The following CHST11 variants were observed in gnomAD, a reference collection of about 807,000 sequenced individuals.
The protein encoded by CHST11 is carbohydrate sulfotransferase 11, also known as C4S-1.
A neutral mutation model predicts 30.4 loss-of-function variants in CHST11; 9 were observed. The ratio of observed to expected loss-of-function variants is 0.30; its 90% CI spans 0.18 to 0.52. CHST11 has a LOEUF of 0.52. Among genes scored for constraint, CHST11 ranks in the 20% least tolerant of loss-of-function variants. The pLI is 0.97. For missense variants in CHST11, 348 were observed against 460.6 expected (o/e 0.76, Z 2.24); for synonymous variants, 152 against 187.8 (o/e 0.81, Z 1.56).
Position 104,610,043 on chromosome 12 carries a change from CTGTGTGTGTGTGTGTGTGTGTGTG to C in CHST11, c.204+8082_204+8105del, listed in dbSNP as rs56983056. Among the ~76,000 whole-genome samples the C allele has an allele frequency of 4.6e-3, 662 of 143,146 alleles. 12 individuals are homozygous for C. The highest frequency in any genetic ancestry group is 0.015 in the African/African-American group (566 of 38,474). The allele number at this position is 143,146 out of a possible 152,430, so 93.9% of individuals were successfully genotyped here. A position where few individuals can be genotyped will look rare whatever the true frequency, so the allele number is the denominator to read the frequency against. The stretch of plus-strand genomic sequence containing the variant: ...CTGATTTATAAAGCCATGAGTGCCT[CTGTGTGTGTGTGTGTGTGTGTGTG>C]TGTGTGTGTGTGTGTGTGTGTGTGT... On this transcript the variant is annotated intron_variant, in intron 2 of 2. Coordinates refer to ENST00000303694, the MANE Select transcript of CHST11 (RefSeq NM_018413.6).
chr12:104,606,252 G>A (rs2039004213), intron 2 of CHST11, among the ~76,000 whole-genome samples: 1 of 151,776 alleles, frequency 6.6e-6, no homozygotes, highest in African/African-American at 2.4e-5. Flanking sequence ...GTTACATGGT[G>A]GCGCCTCATT....
chr12:104,482,050 C>T (rs575897104), intron 1 of CHST11, among the ~76,000 whole-genome samples: 1 of 152,126 alleles, frequency 6.6e-6, no homozygotes, highest in East Asian at 1.9e-4. Flanking sequence ...AGGGTTTCAC[C>T]ATGTTGGCCA....
chr12:104,659,600 T>C (rs2039578707), intron 2 of CHST11, among the ~76,000 whole-genome samples: 2 of 152,234 alleles, frequency 1.3e-5, no homozygotes, highest in Admixed American at 6.5e-5. Flanking sequence ...ATCTCATGAA[T>C]AATTTTTATA....
intron 2 of CHST11, among the ~76,000 whole-genome samples, chr12:104,652,970 G>A (rs1197420015): frequency 6.6e-6 from 1 of 152,192 alleles, no homozygotes; most frequent in East Asian, 1.9e-4. Flanking sequence ...CATCTAGGGA[G>A]GCAGTGAGCT....
chr12:104,459,609 A>G (rs980454503), intron 1 of CHST11, among the ~76,000 whole-genome samples: 2 of 152,268 alleles, frequency 1.3e-5, no homozygotes, highest in Admixed American at 1.3e-4. Flanking sequence ...GAAACTTCCA[A>G]CTTGTAATTG....
chr12:104,636,159 G>A (rs899080493), intron 2 of CHST11, among the ~76,000 whole-genome samples: 1 of 152,172 alleles, frequency 6.6e-6, no homozygotes, highest in Admixed American at 6.5e-5. Context: ...CTGTGGCAGA[G>A]GCCAGATCAG....
chr12:104,507,429 G>T (rs1001713267), intron 1 of CHST11, among the ~76,000 whole-genome samples: 1 of 152,138 alleles, frequency 6.6e-6, no homozygotes, highest in African/African-American at 2.4e-5. Context: ...CTTTGGCACC[G>T]CTGCCTGCTT....
chr12:104,465,065 G>T (rs1454614664), intron 1 of CHST11, among the ~76,000 whole-genome samples: 2 of 152,228 alleles, frequency 1.3e-5, no homozygotes, highest in Non-Finnish European at 2.9e-5. Context: ...TCAAATAGCA[G>T]TGTGCCTTCA....
intron 1 of CHST11, among the ~76,000 whole-genome samples, chr12:104,464,778 G>A (rs1430571090): frequency 6.6e-6 from 1 of 152,178 alleles, no homozygotes; most frequent in Non-Finnish European, 1.5e-5. Context: ...GGTGCAATCG[G>A]TGGCATTTGT....
At chr12:104,544,125 TAAAAAAA>T (rs60776273) in intron 1 of CHST11, among the ~76,000 whole-genome samples, 8 of 97,386 alleles carry the variant, frequency 8.2e-5, no homozygotes, top group African/African-American at 3.5e-4. Flanking sequence ...CCCTGTCTGT[TAAAAAAA>T]AAAAAAAAAG....
intron 1 of CHST11, among the ~76,000 whole-genome samples, chr12:104,502,316 G>A (rs1210692029): frequency 1.3e-5 from 2 of 152,062 alleles, no homozygotes; most frequent in South Asian, 2.1e-4. Context: ...CAAAGTGCTG[G>A]GATTATAGAT....
rs2037376418 is a variant in CHST11, at chr12:104,458,412, C to T, written c.118+883C>T. 6.6e-6 allele frequency among the ~76,000 whole-genome samples: 1 copy of T among 152,236 alleles called. No homozygotes were observed. ...ACCCCATTCCTCCGGTCCCTTGTGG[C>T]TCAGGCAAAGTTCCACGTCCGAAAT... On this transcript the variant is annotated intron_variant, in intron 1 of 2. Coordinates refer to ENST00000303694, the MANE Select transcript of CHST11 (RefSeq NM_018413.6). The surrounding 1 kb of genome is among the most constrained non-coding windows in gnomAD (Gnocchi z 5.7).
intron 2 of CHST11, among the ~76,000 whole-genome samples, chr12:104,632,555 G>A (rs537165182): frequency 2.0e-4 from 30 of 152,338 alleles, no homozygotes; most frequent in Middle Eastern, 6.8e-3. Context: ...TGGAATTTCA[G>A]AAATTGGCAA....
intron 1 of CHST11, among the ~76,000 whole-genome samples, chr12:104,533,959 A>G (rs148508566): frequency 1.3e-5 from 2 of 152,310 alleles, no homozygotes; most frequent in East Asian, 3.9e-4. Context: ...ACTAAAATTT[A>G]CCCCCATCCC....
intron 2 of CHST11, among the ~76,000 whole-genome samples, chr12:104,709,771 GAGGGTA>G (rs1388828201): frequency 6.6e-6 from 1 of 152,212 alleles, no homozygotes; most frequent in Non-Finnish European, 1.5e-5. Flanking sequence ...GATGGGGACA[GAGGGTA>G]ACAGCGAAAG....
rs1416321679 is a variant in CHST11 at position 104,514,531 on chromosome 12, AAAAAAAG to A, written c.118+57013_118+57019del. 9.5e-6 allele frequency: 5 copies of A among 528,142 alleles called. No homozygotes were observed. The Admixed American group carries it at 1.5e-4, about 16-fold the overall frequency. 32.7% of individuals were successfully genotyped at this position (528,142 alleles called of 1,614,324 possible). A position where few individuals can be genotyped will look rare whatever the true frequency, so the allele number is the denominator to read the frequency against. ...TGCTAAGCTTTACAACATTTCTCTA[AAAAAAAG>A]AAAAAAGAAATAGAGGTTTACTTGG... On this transcript the variant is annotated intron_variant, in intron 1 of 2. Coordinates refer to ENST00000303694, the MANE Select transcript of CHST11 (RefSeq NM_018413.6).
At chr12:104,487,051 A>C (rs1046742816) in intron 1 of CHST11, among the ~76,000 whole-genome samples, 1 of 152,204 alleles carries the variant, frequency 6.6e-6, no homozygotes, top group African/African-American at 2.4e-5. Context: ...TGGTCGATAC[A>C]GTAGACTTTA....
At chr12:104,477,934 G>A (rs1414974285) in intron 1 of CHST11, among the ~76,000 whole-genome samples, 1 of 152,178 alleles carries the variant, frequency 6.6e-6, no homozygotes, top group African/African-American at 2.4e-5. Context: ...TTATGAGGAA[G>A]TTCATTTAGT....
At chr12:104,733,841 A>C (rs1028788189) in intron 2 of CHST11, among the ~76,000 whole-genome samples, 6 of 152,194 alleles carry the variant, frequency 3.9e-5, no homozygotes, top group Non-Finnish European at 5.9e-5. Context: ...TGACGTTGTA[A>C]GGTAGGAGGA....
Sources: allele counts gnomAD v4.1 joint callset (sites outside exome capture counted in the v4.1 genomes callset), GRCh38; gene constraint gnomAD v4.1.1; non-coding constraint Gnocchi (gnomAD v3.1); transcripts MANE v1.5; gene names NCBI Gene and HGNC (gene_info 2026-07-23, HGNC 2026-07-21).